NSD1: variants seen among roughly 807,000 people sequenced by gnomAD.
NSD1 encodes the protein histone-lysine N-methyltransferase, H3 lysine-36 specific.
NSD1 carries 26 observed loss-of-function variants against 242.7 expected under a neutral mutation model. That is an observed-to-expected ratio of 0.11 (90% CI 0.08 to 0.15). NSD1 has a LOEUF of 0.15. NSD1 is among the 10% of genes least tolerant of loss of function. The pLI is 1.00. For missense variants in NSD1, 2,495 were observed against 3,272.8 expected (o/e 0.76, Z 5.80); for synonymous variants, 1,106 against 1,178.1 (o/e 0.94, Z 1.25).
Position 177,292,091 on chromosome 5 carries a change from C to T in NSD1, c.6396C>T (p.Ser2132=). Residue 2132 remains serine (S), a synonymous_variant, in exon 22 of 23, where the codon TCC becomes TCT. Coordinates refer to ENST00000439151, the MANE Select transcript of NSD1 (RefSeq NM_022455.5). ...GTGGGGATGCTGGCCAGCTCGTCTC[C>T]TGCAAGAAACCAGGCTGCCCAAAAG... ...FSCGDAGQLV[S]CKKPGCPKVY... The T allele has an allele frequency of 1.2e-6, 2 of 1,614,186 alleles. No homozygotes were observed. The highest frequency in any genetic ancestry group is 2.2e-5 in the South Asian group (2 of 91,086).
Position 177,216,425 on chromosome 5 carries a change from A to C in NSD1, c.3796+4230A>C, listed in dbSNP as rs535092363. 1.2e-3 allele frequency among the ~76,000 whole-genome samples: 189 copies of C among 151,958 alleles called. 7 individuals carry two copies. The South Asian group carries it at 0.039, about 31-fold the overall frequency. ...ATTCTTGTTCCTTCCAATATCATGAAGTTTTTTCGTCTGTTTTCTTCTAGG... is the reference window on the plus strand; with the variant it reads ...ATTCTTGTTCCTTCCAATATCATGACGTTTTTTCGTCTGTTTTCTTCTAGG... On this transcript the variant is annotated intron_variant, in intron 5 of 22. Coordinates refer to ENST00000439151, the MANE Select transcript of NSD1 (RefSeq NM_022455.5).
chr5:177,191,519 T>G (rs1761696428), intron 2 of NSD1, among the ~76,000 whole-genome samples: 2 of 149,724 alleles, frequency 1.3e-5, no homozygotes, highest in Admixed American at 1.3e-4. Flanking sequence ...TTTTTCTCCA[T>G]TTTTTTTTTC....
chr5:177,255,293 A>T (rs1050089829), intron 12 of NSD1, among the ~76,000 whole-genome samples: 1 of 151,530 alleles, frequency 6.6e-6, no homozygotes, highest in Non-Finnish European at 1.5e-5. Context: ...CGAGAGAGGG[A>T]GATTGAGTCT....
rs202191268 is a variant in NSD1, at chr5:177,135,871, C to T, written c.768C>T (p.Ala256=). 8 of 1,607,088 alleles carry T rather than the reference C, an allele frequency of 5.0e-6. No individual in the cohort carries two copies. In the East Asian group the frequency reaches 1.6e-4, roughly 31 times the overall value. Residue 256 remains alanine (A), a synonymous_variant, in exon 2 of 23, where the codon GCC becomes GCT. Coordinates refer to ENST00000439151, the MANE Select transcript of NSD1 (RefSeq NM_022455.5). ...GSNEKAALLP[A]PFSLGDTNIT... ...ATGAAAAAGCAGCCCTTCTCCCAGCCCCCTTTTCACTAGGAGACACAAACA... is the reference window on the plus strand; with the variant it reads ...ATGAAAAAGCAGCCCTTCTCCCAGCTCCCTTTTCACTAGGAGACACAAACA...
intron 21 of NSD1, among the ~76,000 whole-genome samples, chr5:177,290,580 T>C (rs1286251906): frequency 6.6e-6 from 1 of 151,710 alleles, no homozygotes; most frequent in Admixed American, 6.6e-5. Flanking sequence ...GCTAATTTTT[T>C]GTATTTTTAG....
chr5:177,169,718 G>A (rs1278010736), intron 2 of NSD1: 1 of 152,130 alleles, frequency 6.6e-6, no homozygotes, highest in Non-Finnish European at 1.5e-5. Context: ...AAATAAACAA[G>A]TAATAAGTCT....
chr5:177,239,716 A>G (rs756981410), intron 7 of NSD1, 40 bp from the exon 8 acceptor site: 3 of 1,207,256 alleles, frequency 2.5e-6, no homozygotes, highest in Non-Finnish European at 3.7e-6. Flanking sequence ...ACTTGTGCCC[A>G]GTTTCTAAAT....
At chr5:177,176,489 C>T (rs184781251) in intron 2 of NSD1, among the ~76,000 whole-genome samples, 125 of 151,476 alleles carry the variant, frequency 8.3e-4, no homozygotes, top group African/African-American at 2.9e-3. Flanking sequence ...GCTAGAGTGC[C>T]GTGGCAGTCA....
chr5:177,293,896 G>A lies in NSD1; in HGVS notation c.6528G>A (p.Glu2176=). The A allele has an allele frequency of 6.2e-7, 1 of 1,614,158 alleles. No individual in the cohort carries two copies. Among genetic ancestry groups the A allele is most frequent in the Non-Finnish European group, 8.5e-7 (1 of 1,180,024 alleles). Residue 2176 remains glutamate, a synonymous_variant, in exon 23 of 23, where the codon GAG becomes GAA. Coordinates refer to ENST00000439151, the MANE Select transcript of NSD1 (RefSeq NM_022455.5). The part of the protein sequence containing the change: ...ICGKEAASFC[E]MCPSSFCKQH... ...GGAAGGAAGCAGCCTCCTTCTGTGA[G>A]ATGTGCCCCAGCTCCTTTTGTAAGC...
chr5:177,165,211 A>C (rs927357931), intron 2 of NSD1, among the ~76,000 whole-genome samples: 1 of 152,184 alleles, frequency 6.6e-6, no homozygotes, highest in African/African-American at 2.4e-5. Context: ...TTGTTTTGTC[A>C]CCCAGGCTGG....
At chr5:177,293,534 G>GCCCCCCCCCCCC (rs149890561) in intron 22 of NSD1, among the ~76,000 whole-genome samples, 1 of 78,492 alleles carries the variant, frequency 1.3e-5, no homozygotes, top group Non-Finnish European at 2.4e-5. Flanking sequence ...CCCCACCCCC[G>GCCCCCCCCCCCC]CCCCCCCCTC....
intron 2 of NSD1, among the ~76,000 whole-genome samples, chr5:177,173,166 C>T (rs1759861464): frequency 6.6e-6 from 1 of 151,130 alleles, no homozygotes; most frequent in African/African-American, 2.4e-5. Context: ...GTGGCAGGTG[C>T]CTGTAGTCCC....
chr5:177,274,865 C>T (rs1318568565), intron 17 of NSD1, among the ~76,000 whole-genome samples: 3 of 152,022 alleles, frequency 2.0e-5, no homozygotes, highest in Non-Finnish European at 4.4e-5. Context: ...TCCCGAGTAG[C>T]TGGGATTACA....
intron 2 of NSD1, among the ~76,000 whole-genome samples, chr5:177,173,543 G>A (rs996660374): frequency 2.9e-5 from 4 of 135,830 alleles, no homozygotes; most frequent in African/African-American, 5.8e-5. Context: ...GCACGATCTC[G>A]GCTCACCGCA....
rs1199565792 is a variant in NSD1 at position 177,238,146 on chromosome 5, A to G, written c.3922-91A>G. The G allele has an allele frequency of 4.2e-6, 6 of 1,441,380 alleles. No individual in the cohort carries two copies. The highest frequency in any genetic ancestry group is 4.9e-6 in the Non-Finnish European group (5 of 1,025,576). 89.3% of individuals were successfully genotyped at this position (1,441,380 alleles called of 1,614,324 possible). ...TCCACTTTTTGTAGCCTTTGTCAGA[A>G]TTTCATTCCTTTTAAAGTGTGTTAT... is the stretch of plus-strand genomic sequence containing the variant. On this transcript the variant is annotated intron_variant, in intron 6 of 22. Coordinates refer to ENST00000439151, the MANE Select transcript of NSD1 (RefSeq NM_022455.5). This position sits in a 1 kb window ranked among gnomAD's most constrained non-coding sequence, Gnocchi z 4.6.
intron 6 of NSD1, 123 bp downstream of exon 6, chr5:177,236,068 C>G: frequency 9.8e-7 from 1 of 1,020,944 alleles, no homozygotes; most frequent in Non-Finnish European, 1.5e-6. Context: ...TTTTTATTCT[C>G]AGCTTCTAGC....
intron 9 of NSD1, among the ~76,000 whole-genome samples, chr5:177,245,828 AG>A (rs1178322619): frequency 2.0e-5 from 3 of 151,594 alleles, no homozygotes; most frequent in African/African-American, 7.3e-5. Context: ...TAGTAGAGAT[AG>A]GGTTTCACCA....
At chr5:177,136,907 G>A (rs142168402) in intron 2 of NSD1, 7 of 700,734 alleles carry the variant, frequency 1.0e-5, no homozygotes, top group East Asian at 2.7e-5. Context: ...GGCTGGCGTC[G>A]GGACTCCTGG....
At chr5:177,202,896 G>T (rs1161585073) in intron 3 of NSD1, among the ~76,000 whole-genome samples, 1 of 151,878 alleles carries the variant, frequency 6.6e-6, no homozygotes, top group East Asian at 1.9e-4. Flanking sequence ...CTAAGTTTTA[G>T]TTTCATTATT....
Sources: gnomAD v4.1 joint callset for allele counts (sites outside exome capture counted in the v4.1 genomes callset) on GRCh38, gnomAD v4.1.1 for gene constraint, Gnocchi (gnomAD v3.1) non-coding constraint, MANE v1.5 for transcripts, NCBI Gene and HGNC (gene_info 2026-07-23, HGNC 2026-07-21) for gene names.